Variants in HSD17B12 observed in about 807,000 individuals in gnomAD.
The protein encoded by HSD17B12 is very-long-chain 3-oxoacyl-CoA reductase.
In HSD17B12, 32 loss-of-function variants were observed where a neutral mutation model predicts 39.3. That is an observed-to-expected ratio of 0.81 (90% confidence interval 0.61 to 1.09). The LOEUF (loss-of-function observed/expected upper bound fraction) is 1.09. Ranked by LOEUF, HSD17B12 falls within the 50% of genes least tolerant of loss-of-function variation. The probability of loss-of-function intolerance (pLI) is 0.00; values close to 1 mark genes in which losing one functional copy is unlikely to be tolerated. For missense variants in HSD17B12, 342 were observed against 382.9 expected (o/e 0.89, Z 0.89); for synonymous variants, 150 against 146.7 (o/e 1.02, Z -0.16).
the HSD17B12 span, among the ~76,000 whole-genome samples, chr11:43,606,486 T>C: frequency 6.6e-6 from 1 of 152,214 alleles, no homozygotes; most frequent in South Asian, 2.1e-4. Flanking sequence ...TCTATGTTCA[T>C]TAGGATTTAT....
the HSD17B12 span, among the ~76,000 whole-genome samples, chr11:43,626,223 C>T: frequency 4.0e-5 from 6 of 151,456 alleles, no homozygotes; most frequent in Non-Finnish European, 7.4e-5. Context: ...AAATGAAAAG[C>T]AATCTTAACT....
chr11:43,808,794 A>C (rs1268824227), intron 4 of HSD17B12, among the ~76,000 whole-genome samples: 1 of 152,238 alleles, frequency 6.6e-6, no homozygotes, highest in Non-Finnish European at 1.5e-5. Flanking sequence ...TTTATTTGGA[A>C]ATTGCTACTC....
chr11:43,757,925 T>A (rs1318451094), intron 3 of HSD17B12, among the ~76,000 whole-genome samples: 1 of 152,066 alleles, frequency 6.6e-6, no homozygotes, highest in Non-Finnish European at 1.5e-5. Context: ...GAAAGACCTA[T>A]CCTCTGGGCC....
the HSD17B12 span, among the ~76,000 whole-genome samples, chr11:43,657,808 G>A: frequency 9.2e-5 from 14 of 152,150 alleles, no homozygotes; most frequent in Non-Finnish European, 1.5e-4. Context: ...TGGGTAACCC[G>A]ACCTTTCTCT....
At chr11:43,642,954 C>T in the HSD17B12 span, among the ~76,000 whole-genome samples, 1 of 151,864 alleles carries the variant, frequency 6.6e-6, no homozygotes, top group African/African-American at 2.4e-5. Flanking sequence ...TTCGTAGAGT[C>T]TTACTAAATA....
chr11:43,826,183 C>T (rs1454209849), intron 6 of HSD17B12, among the ~76,000 whole-genome samples: 1 of 150,260 alleles, frequency 6.7e-6, no homozygotes, highest in Non-Finnish European at 1.5e-5. Flanking sequence ...CCCGGGTTCA[C>T]GCCATTCTCC....
chr11:43,616,420 A>G, the HSD17B12 span, among the ~76,000 whole-genome samples: 1 of 139,486 alleles, frequency 7.2e-6, no homozygotes, highest in African/African-American at 3.2e-5. Flanking sequence ...AAAAAAAACA[A>G]AAAACAAAAA....
intron 1 of HSD17B12, among the ~76,000 whole-genome samples, chr11:43,708,736 C>G (rs756577423): frequency 2.6e-5 from 4 of 152,138 alleles, no homozygotes; most frequent in Non-Finnish European, 5.9e-5. Flanking sequence ...TGTTTTCCAC[C>G]TCATCTTTTA....
At chr11:43,690,398 ATATATATTT>A (rs1949849742) in intron 1 of HSD17B12, among the ~76,000 whole-genome samples, 1 of 27,480 alleles carries the variant, frequency 3.6e-5, no homozygotes, top group African/African-American at 2.4e-4. Context: ...ATATATATAT[ATATATATTT>A]TTTTTTTTTT....
chr11:43,735,253 G>A (rs1344693170), intron 1 of HSD17B12, among the ~76,000 whole-genome samples: 1 of 152,170 alleles, frequency 6.6e-6, no homozygotes, highest in Non-Finnish European at 1.5e-5. Flanking sequence ...GTTTCTGTTT[G>A]AATACAGGTT....
chr11:43,658,139 ATTCAT>A, the HSD17B12 span, among the ~76,000 whole-genome samples: 1 of 151,932 alleles, frequency 6.6e-6, no homozygotes, highest in African/African-American at 2.4e-5. Context: ...GCTTCATTTC[ATTCAT>A]TTCATCTTCC....
the HSD17B12 span, among the ~76,000 whole-genome samples, chr11:43,658,667 C>T: frequency 7.9e-3 from 1,209 of 152,334 alleles, 7 homozygotes; most frequent in Middle Eastern, 0.027. Context: ...ACCCCAGACC[C>T]TGTTTTCCTG....
At chr11:43,639,825 G>A in the HSD17B12 span, among the ~76,000 whole-genome samples, 5 of 152,148 alleles carry the variant, frequency 3.3e-5, no homozygotes, top group East Asian at 1.9e-4. Context: ...GATACTTTTC[G>A]TGAAATGAGG....
At chr11:43,577,905 A>G in the HSD17B12 span, among the ~76,000 whole-genome samples, 1 of 152,228 alleles carries the variant, frequency 6.6e-6, no homozygotes, top group Non-Finnish European at 1.5e-5. Context: ...TGGGAATACC[A>G]TCAGCTCTCT....
chr11:43,748,015 G>A (rs926845794), intron 1 of HSD17B12, among the ~76,000 whole-genome samples: 19 of 152,126 alleles, frequency 1.2e-4, no homozygotes, highest in African/African-American at 4.6e-4. Context: ...TTATCACAGA[G>A]AAAAGGAAGA....
chr11:43,850,957 A>T (rs1951525208), intron 9 of HSD17B12, among the ~76,000 whole-genome samples: 1 of 152,182 alleles, frequency 6.6e-6, no homozygotes, highest in African/African-American at 2.4e-5. Context: ...GCTACTCAGG[A>T]GGCTGAGGCA....
chr11:43,846,931 G>A (rs1345566823), intron 9 of HSD17B12, among the ~76,000 whole-genome samples: 1 of 152,148 alleles, frequency 6.6e-6, no homozygotes, highest in Non-Finnish European at 1.5e-5. Flanking sequence ...TAATAATCTG[G>A]CAAAAGGCAC....
chr11:43,570,109 A>G, the HSD17B12 span: 1 of 152,614 alleles, frequency 6.6e-6, no homozygotes, highest in Non-Finnish European at 1.5e-5. Flanking sequence ...AGCAAATCCT[A>G]CTTTCTGCTA....
At chr11:43,575,179 G>A in the HSD17B12 span, among the ~76,000 whole-genome samples, 1 of 152,210 alleles carries the variant, frequency 6.6e-6, no homozygotes. The surrounding 1 kb of genome is among the most constrained non-coding windows in gnomAD (Gnocchi z 4.1). Context: ...GAGTCTGTCC[G>A]TCTCTCTGTA....
Sources: gnomAD v4.1 joint callset for allele counts (sites outside exome capture counted in the v4.1 genomes callset) on GRCh38, gnomAD v4.1.1 for gene constraint, Gnocchi (gnomAD v3.1) non-coding constraint, MANE v1.5 for transcripts, NCBI Gene and HGNC (gene_info 2026-07-23, HGNC 2026-07-21) for gene names.